GAS2: variants seen among roughly 807,000 people sequenced by gnomAD.
GAS2 encodes growth arrest specific 2.
A neutral mutation model predicts 37.5 loss-of-function variants in GAS2; 20 were observed. The observed-to-expected ratio is 0.53, with a 90% CI of 0.37 to 0.77. GAS2 has a LOEUF of 0.77. Ranked by LOEUF, GAS2 falls within the 30% of genes least tolerant of loss-of-function variation. The pLI is 0.00. For synonymous variants in GAS2, 144 were observed against 132.2 expected, an observed-to-expected ratio of 1.09 and a Z score of -0.61; for missense variants, 336 against 373.4, an observed-to-expected ratio of 0.90 and a Z score of 0.82.
At chr11:22,782,610 G>A (rs371794424) in intron 7 of GAS2, among the ~76,000 whole-genome samples, 1 of 151,136 alleles carries the variant, frequency 6.6e-6, no homozygotes, top group Non-Finnish European at 1.5e-5. Context: ...TCATCTTTAT[G>A]TCCACATGTA....
intron 1 of GAS2, among the ~76,000 whole-genome samples, chr11:22,673,577 C>T (rs577573175): frequency 1.3e-5 from 2 of 152,124 alleles, no homozygotes; most frequent in Non-Finnish European, 2.9e-5. Flanking sequence ...TTAGTTCTTC[C>T]GTAGTCTTAC....
chr11:22,785,012 A>G (rs1013514315), intron 7 of GAS2, among the ~76,000 whole-genome samples: 1 of 152,170 alleles, frequency 6.6e-6, no homozygotes, highest in African/African-American at 2.4e-5. Flanking sequence ...GAGGACAAAA[A>G]GAGGAAAAGG....
At chr11:22,810,938 G>A (rs572000209) in intron 7 of GAS2, among the ~76,000 whole-genome samples, 2 of 152,280 alleles carry the variant, frequency 1.3e-5, no homozygotes, top group East Asian at 1.9e-4. Flanking sequence ...TACAGTGCCC[G>A]TATGTATCCA....
chr11:22,669,830 G>A (rs1409636336), intron 1 of GAS2, among the ~76,000 whole-genome samples: 1 of 152,162 alleles, frequency 6.6e-6, no homozygotes, highest in Non-Finnish European at 1.5e-5. Context: ...CAAGGTGGAG[G>A]TCCCATTACG....
chr11:22,774,206 C>T (rs1855136999), intron 7 of GAS2, among the ~76,000 whole-genome samples: 1 of 152,108 alleles, frequency 6.6e-6, no homozygotes, highest in Non-Finnish European at 1.5e-5. Flanking sequence ...GTTGGTCAGG[C>T]TGGTCTCGAA....
At chr11:22,769,300 A>G (rs1015965838) in intron 7 of GAS2, among the ~76,000 whole-genome samples, 8 of 152,246 alleles carry the variant, frequency 5.3e-5, no homozygotes, top group African/African-American at 1.9e-4. Flanking sequence ...ATGCATTCCA[A>G]GGAGCAGAGC....
At chr11:22,732,401 T>A (rs1223251258) in intron 4 of GAS2, among the ~76,000 whole-genome samples, 1 of 151,796 alleles carries the variant, frequency 6.6e-6, no homozygotes, top group East Asian at 1.9e-4. Flanking sequence ...CTTGTTCAAA[T>A]GATTTATATG....
intron 6 of GAS2, among the ~76,000 whole-genome samples, chr11:22,752,561 G>A (rs1484167851): frequency 6.6e-6 from 1 of 151,904 alleles, no homozygotes; most frequent in Non-Finnish European, 1.5e-5. Context: ...ATATAAAATA[G>A]AGATTGCTTG....
At chr11:22,634,555 T>G (rs1026181360) in intron 1 of GAS2, among the ~76,000 whole-genome samples, 1 of 152,166 alleles carries the variant, frequency 6.6e-6, no homozygotes, top group African/African-American at 2.4e-5. Context: ...TCTGGATTCT[T>G]TGGTCTCACG....
chr11:22,669,966 A>G (rs1007977309), intron 1 of GAS2, among the ~76,000 whole-genome samples: 2 of 152,188 alleles, frequency 1.3e-5, no homozygotes, highest in Non-Finnish European at 2.9e-5. Context: ...TAATTAGCCA[A>G]AATGAATCAC....
At chr11:22,682,949 T>TC (rs1283000606) in intron 2 of GAS2, among the ~76,000 whole-genome samples, 10 of 151,444 alleles carry the variant, frequency 6.6e-5, no homozygotes, top group African/African-American at 2.2e-4. Context: ...ACAAATTCTG[T>TC]TACACTGGCT....
At chr11:22,690,527 A>G (rs1243779585) in intron 3 of GAS2, among the ~76,000 whole-genome samples, 2 of 152,142 alleles carry the variant, frequency 1.3e-5, no homozygotes, top group African/African-American at 4.8e-5. Flanking sequence ...AGCATTTGAG[A>G]CCAGTGTGCA....
chr11:22,740,772 A>G (rs1240270921), intron 5 of GAS2, among the ~76,000 whole-genome samples: 2 of 152,198 alleles, frequency 1.3e-5, no homozygotes, highest in Non-Finnish European at 2.9e-5. Context: ...TACATTAGAC[A>G]TATATCTAAA....
intron 1 of GAS2, among the ~76,000 whole-genome samples, chr11:22,644,756 G>A (rs570888041): frequency 9.2e-5 from 14 of 152,096 alleles, no homozygotes; most frequent in Middle Eastern, 3.4e-3. Context: ...CAAGTATCTG[G>A]GACTATAGGC....
At chr11:22,800,602 A>G (rs1163483379) in intron 7 of GAS2, among the ~76,000 whole-genome samples, 2 of 152,036 alleles carry the variant, frequency 1.3e-5, no homozygotes, top group African/African-American at 4.8e-5. Context: ...AGAGCACTTG[A>G]CAGATACTCC....
upstream of GAS2, among the ~76,000 whole-genome samples, chr11:22,664,961 C>G (rs758769213): frequency 6.6e-6 from 1 of 151,378 alleles, no homozygotes; most frequent in Non-Finnish European, 1.5e-5. Context: ...TCTTTTCGCT[C>G]TTTCTGAGAG....
chr11:22,685,428 A>G (rs1208419996), intron 2 of GAS2, among the ~76,000 whole-genome samples: 1 of 152,190 alleles, frequency 6.6e-6, no homozygotes, highest in African/African-American at 2.4e-5. Flanking sequence ...GCCACCTTTT[A>G]TTTGAAATAA....
intron 4 of GAS2, among the ~76,000 whole-genome samples, chr11:22,734,534 A>C (rs983926487): frequency 1.3e-5 from 2 of 151,734 alleles, no homozygotes; most frequent in Admixed American, 6.6e-5. Context: ...TATGATGCAC[A>C]AAAAGTGCTT....
intron 7 of GAS2, among the ~76,000 whole-genome samples, chr11:22,793,847 C>A (rs1564891936): frequency 6.6e-6 from 1 of 151,784 alleles, no homozygotes; most frequent in South Asian, 2.1e-4. Flanking sequence ...TGAAATGGTA[C>A]AAGAGAGGAT....
Sources: allele counts gnomAD v4.1 joint callset (sites outside exome capture counted in the v4.1 genomes callset), GRCh38; gene constraint gnomAD v4.1.1; transcripts MANE v1.5; gene names NCBI Gene and HGNC (gene_info 2026-07-23, HGNC 2026-07-21).